The following URI1 variants were observed in gnomAD, a reference collection of about 807,000 sequenced individuals.
URI1 encodes unconventional prefoldin RPB5 interactor 1.
Under a neutral mutation model 60.2 loss-of-function variants are expected in URI1, and 39 were observed. The observed-to-expected ratio is 0.65, with a 90% CI of 0.50 to 0.85. URI1 has a LOEUF of 0.85. Among genes scored for constraint, URI1 ranks in the 40% least tolerant of loss-of-function variants. The pLI is 0.00. For missense variants in URI1, 691 were observed against 665.9 expected, an observed-to-expected ratio of 1.04 and a Z score of -0.42; for synonymous variants, 251 against 236.8, an observed-to-expected ratio of 1.06 and a Z score of -0.55.
At chr19:29,985,406 C>A in intron 3 of URI1, 105 bp downstream of exon 3, 1 of 855,810 alleles carries the variant, frequency 1.2e-6, no homozygotes, top group Non-Finnish European at 1.8e-6. Context: ...TCCAAGGTAA[C>A]TATGTAGCAA....
chr19:30,011,633 TC>T (rs1370830259), intron 9 of URI1, among the ~76,000 whole-genome samples: 1 of 151,318 alleles, frequency 6.6e-6, no homozygotes, highest in Non-Finnish European at 1.5e-5. Context: ...TTTTTTTTTT[TC>T]CTTTTTTTTG....
At position 30,013,735 on chromosome 19, in the gene URI1, A is replaced by C. The variant is rs186822034; in HGVS notation, c.1426-1152A>C. On this transcript the variant is annotated intron_variant, in intron 10 of 10. Transcript: ENST00000392271. ...GATATCCTTTTCAGTATCTTTTTAAATGCTAAAATACCTCTTTTTCAAAGG... is the reference window on the plus strand; with the variant it reads ...GATATCCTTTTCAGTATCTTTTTAACTGCTAAAATACCTCTTTTTCAAAGG... 2.0e-5 allele frequency among the ~76,000 whole-genome samples: 3 copies of C among 152,162 alleles called. No homozygotes were observed. In the South Asian group the frequency reaches 6.2e-4, roughly 31 times the overall value.
At chr19:29,951,476 C>G (rs1227982992) in intron 1 of URI1, among the ~76,000 whole-genome samples, 2 of 150,656 alleles carry the variant, frequency 1.3e-5, no homozygotes, top group Non-Finnish European at 3.0e-5. Flanking sequence ...GATGTGATTT[C>G]TTCATTCCTT....
At chr19:29,951,254 G>C (rs2055176271) in intron 1 of URI1, among the ~76,000 whole-genome samples, 1 of 152,168 alleles carries the variant, frequency 6.6e-6, no homozygotes, top group East Asian at 1.9e-4. Context: ...CCTTTAAATG[G>C]TATAGTACTT....
chr19:29,997,633 G>A (rs1799856583), intron 4 of URI1, among the ~76,000 whole-genome samples: 1 of 151,962 alleles, frequency 6.6e-6, no homozygotes. Context: ...AGTGTACAGT[G>A]AAGTTACTGA....
At chr19:29,985,720 A>G (rs991100621) in intron 3 of URI1, among the ~76,000 whole-genome samples, 2 of 152,190 alleles carry the variant, frequency 1.3e-5, no homozygotes, top group Admixed American at 1.3e-4. Flanking sequence ...AATGATCTTC[A>G]CATCGACATA....
intron 2 of URI1, among the ~76,000 whole-genome samples, chr19:29,978,267 A>T (rs1172982507): frequency 2.6e-5 from 4 of 152,114 alleles, no homozygotes; most frequent in South Asian, 2.1e-4. Flanking sequence ...AACTATTATT[A>T]AAAAAAATCC....
chr19:29,979,891 A>C (rs1417561568), intron 2 of URI1, among the ~76,000 whole-genome samples: 1 of 152,176 alleles, frequency 6.6e-6, no homozygotes, highest in African/African-American at 2.4e-5. Context: ...TTTAGAAAAA[A>C]AGTGTAATGC....
Position 30,012,461 on chromosome 19 carries a change from G to C in URI1, c.1355G>C (p.Ser452Thr). The change falls in exon 10 of 11, where the codon AGT becomes ACT. Residue 452 changes from serine (S) to threonine (T), a missense_variant. Ser to Thr is a moderately conservative substitution (Grantham distance 58). Coordinates refer to ENST00000392271, the MANE Select transcript of URI1 (RefSeq NM_003796.3). ...SCEEATCSDT[S>T]ESILEEEPQE... is the part of the protein sequence containing the mutation. Reference sequence around the variant, plus strand: ...GAAGAAGCCACTTGCAGTGACACCAGTGAGAGCATTTTGGAAGAGGAACCA... The same window carrying C: ...GAAGAAGCCACTTGCAGTGACACCACTGAGAGCATTTTGGAAGAGGAACCA... 6.2e-7 allele frequency: 1 copy of C among 1,614,206 alleles called. No individual in the cohort carries two copies. The highest frequency in any genetic ancestry group is 1.1e-5 in the South Asian group (1 of 91,084).
chr19:30,008,962 T>G (rs1196638505), intron 7 of URI1, 43 bp from the exon 8 acceptor site: 1 of 1,424,932 alleles, frequency 7.0e-7, no homozygotes, highest in East Asian at 2.4e-5. Flanking sequence ...AATGTAAAAT[T>G]CTAGTATGTT....
At chr19:30,014,848 T>C (rs530069080) in intron 10 of URI1, 39 bp from the exon 11 acceptor site, 1 of 1,560,028 alleles carries the variant, frequency 6.4e-7, no homozygotes, top group South Asian at 1.2e-5. Context: ...GGGTGTCTTA[T>C]TTGCATTTTA....
intron 7 of URI1, among the ~76,000 whole-genome samples, chr19:30,008,747 A>G (rs1051192539): frequency 6.6e-6 from 1 of 151,956 alleles, no homozygotes; most frequent in Admixed American, 6.6e-5. Flanking sequence ...CATATGGCCA[A>G]TATCTTTCTT....
intron 1 of URI1, among the ~76,000 whole-genome samples, chr19:29,959,104 T>A (rs2055288626): frequency 6.6e-6 from 1 of 152,112 alleles, no homozygotes; most frequent in South Asian, 2.1e-4. Context: ...TTATACACTG[T>A]TGTTATTGGT....
In URI1 at chr19:30,007,634, G is replaced by T. The variant is rs1176707994; in HGVS notation, c.682G>T (p.Asp228Tyr). Residue 228 changes from aspartate (D) to tyrosine (Y), a missense_variant, in exon 7 of 11, where the codon GAT becomes TAT. Asp to Tyr is a radical substitution (Grantham distance 160). Coordinates refer to ENST00000392271, the MANE Select transcript of URI1 (RefSeq NM_003796.3). ...ACAGGAAGAATTGCTGGGTGAACTTGATAGGTACTTGATGACAAATTATCT... is the reference window on the plus strand; with the variant it reads ...ACAGGAAGAATTGCTGGGTGAACTTTATAGGTACTTGATGACAAATTATCT... ...ERQEELLGEL[D>Y]SKPDTVIANG... The T allele has an allele frequency of 1.2e-6, 2 of 1,601,600 alleles. No homozygotes were observed. Among genetic ancestry groups the T allele is most frequent in the Non-Finnish European group, 1.7e-6 (2 of 1,174,572 alleles).
chr19:29,924,492 A>C (rs1045023722), intron 1 of URI1, among the ~76,000 whole-genome samples: 8 of 152,136 alleles, frequency 5.3e-5, no homozygotes, highest in African/African-American at 2.4e-5. Flanking sequence ...CCTCGCTTTC[A>C]TCCCTGGTCC....
intron 1 of URI1, among the ~76,000 whole-genome samples, chr19:29,943,893 G>C (rs2055063945): frequency 6.6e-6 from 1 of 151,722 alleles, no homozygotes. Flanking sequence ...CAGCTGCTTG[G>C]GATGTCAAGG....
intron 1 of URI1, among the ~76,000 whole-genome samples, chr19:29,959,734 T>C (rs1389159607): frequency 6.6e-6 from 1 of 152,174 alleles, no homozygotes; most frequent in Non-Finnish European, 1.5e-5. Context: ...TTTTAATTTG[T>C]GGGTTTTTTC....
chr19:29,984,742 A>G (rs1005799634), intron 2 of URI1, among the ~76,000 whole-genome samples: 1 of 152,180 alleles, frequency 6.6e-6, no homozygotes, highest in Non-Finnish European at 1.5e-5. Flanking sequence ...AGCTTGTTTT[A>G]TGATACCTGG....
At chr19:29,965,863 A>G (rs112713586) in intron 1 of URI1, among the ~76,000 whole-genome samples, 1 of 152,270 alleles carries the variant, frequency 6.6e-6, no homozygotes, top group African/African-American at 2.4e-5. Context: ...CACGTTAGAC[A>G]TAGTCCGATA....
Sources: gnomAD v4.1 joint callset for allele counts (sites outside exome capture counted in the v4.1 genomes callset) on GRCh38, gnomAD v4.1.1 for gene constraint, MANE v1.5 for transcripts, NCBI Gene and HGNC (gene_info 2026-07-23, HGNC 2026-07-21) for gene names.